RBM27: variants seen among roughly 807,000 people sequenced by gnomAD.
The protein encoded by RBM27 is RNA binding motif protein 27.
A neutral mutation model predicts 135.3 loss-of-function variants in RBM27; 22 were observed. That is an observed-to-expected ratio of 0.16 (90% CI 0.12 to 0.23). The LOEUF (loss-of-function observed/expected upper bound fraction) is 0.23, where lower values mean the gene tolerates loss of function less well. Ranked by LOEUF, RBM27 falls within the 10% of genes least tolerant of loss-of-function variation. The pLI, the probability that RBM27 is intolerant of heterozygous loss-of-function variation, is 1.00. For synonymous variants in RBM27, 481 were observed against 442.4 expected, an observed-to-expected ratio of 1.09 and a Z score of -1.10; for missense variants, 1,009 against 1,281.0, an observed-to-expected ratio of 0.79 and a Z score of 3.24.
chr5:146,259,979 C>CAAAAAAAAAA (rs34781548), intron 11 of RBM27, among the ~76,000 whole-genome samples: 3 of 35,292 alleles, frequency 8.5e-5, no homozygotes, highest in African/African-American at 5.3e-4. Context: ...GACTCCGTCT[C>CAAAAAAAAAA]AAAAAAAAAA....
rs773389368 is a variant in RBM27, at chr5:146,261,696, A to G, written c.2080A>G (p.Thr694Ala). 2 of 1,614,182 alleles carry G rather than the reference A, an allele frequency of 1.2e-6. No individual in the cohort carries two copies. The highest frequency in any genetic ancestry group is 2.2e-5 in the South Asian group (2 of 91,082). The change falls in exon 13 of 21, where the codon ACA becomes GCA. Residue 694 changes from threonine (T) to alanine (A), a missense_variant. By Grantham distance (58) the Thr-to-Ala change is moderately conservative. Coordinates refer to ENST00000265271, the MANE Select transcript of RBM27 (RefSeq NM_018989.2). ...ACAGCTGCTCCTGCAACAACAGCAA[A>G]CACTTAGTCACCTCTCACAGCAGCA... The part of the protein sequence containing the change: ...SAQLLLQQQQ[T>A]LSHLSQQHHH...
In RBM27 at chr5:146,230,879, G is replaced by A. The variant is rs377548326; in HGVS notation, c.812G>A (p.Arg271Gln). ...NNHSSSNSFGRNLPPKRRCRD... is the reference protein window; with the variant it reads ...NNHSSSNSFGQNLPPKRRCRD... ...CATAGCTCTTCCAATTCTTTTGGTC[G>A]AAACCTACCACCAAAGAGGCGATGC... is the stretch of plus-strand genomic sequence containing the variant. The change falls in exon 6 of 21, where the codon CGA becomes CAA. Residue 271 changes from arginine to glutamine, a missense_variant. By Grantham distance (43) the Arg-to-Gln change is conservative. Around this residue, in one of 6 missense-constraint regions of RBM27, gnomAD observed 268 missense variants for 326.6 expected, o/e 0.82. Transcript: ENST00000265271. 3.3e-5 allele frequency: 53 copies of A among 1,613,992 alleles called. No homozygotes were observed. The highest frequency in any genetic ancestry group is 5.0e-5 in the Admixed American group (3 of 59,982).
At chr5:146,214,368 G>A (rs1487414599) in intron 1 of RBM27, among the ~76,000 whole-genome samples, 1 of 152,114 alleles carries the variant, frequency 6.6e-6, no homozygotes, top group African/African-American at 2.4e-5. Context: ...AGCTTTAGTT[G>A]CAAATAAAGT....
intron 20 of RBM27, 127 bp from the exon 21 acceptor site, chr5:146,285,820 T>A: frequency 1.7e-6 from 1 of 605,228 alleles, no homozygotes; most frequent in Non-Finnish European, 2.9e-6. Flanking sequence ...TGAAAGATAC[T>A]CTTGCATGCA....
chr5:146,280,710 T>C (rs1759306031), intron 19 of RBM27, among the ~76,000 whole-genome samples: 1 of 152,320 alleles, frequency 6.6e-6, no homozygotes, highest in South Asian at 2.1e-4. Flanking sequence ...TTATGGTGTT[T>C]TGTGGTCATT....
In RBM27 at chr5:146,223,642, T is replaced by C. The variant is rs1389698262; in HGVS notation, c.303+115T>C. On this transcript the variant is annotated intron_variant, in intron 3 of 20. Transcript: ENST00000265271. Reference sequence around the variant, plus strand: ...TGTGTATTGATTCAAGTTTCCGGATTTTAGGCATGGTACAGATTCTTCATC... The same window carrying C: ...TGTGTATTGATTCAAGTTTCCGGATCTTAGGCATGGTACAGATTCTTCATC... 3 of 1,216,220 alleles carry C rather than the reference T, an allele frequency of 2.5e-6. No homozygotes were observed. The East Asian group carries it at 7.8e-5, about 32-fold the overall frequency. The allele number at this position is 1,216,220 out of a possible 1,614,324, so 75.3% of individuals were successfully genotyped here.
intron 1 of RBM27, among the ~76,000 whole-genome samples, chr5:146,211,812 C>A (rs962508232): frequency 1.3e-5 from 2 of 151,910 alleles, no homozygotes; most frequent in African/African-American, 2.4e-5. Context: ...CAGAGTCAGA[C>A]TTTTTTTAAA....
intron 8 of RBM27, among the ~76,000 whole-genome samples, chr5:146,241,223 ACT>A (rs1183526300): frequency 6.6e-5 from 10 of 152,020 alleles, no homozygotes; most frequent in African/African-American, 2.4e-4. Flanking sequence ...ATTGTGACTC[ACT>A]CTATAAATAT....
At chr5:146,249,948 G>T (rs1222481436) in intron 8 of RBM27, among the ~76,000 whole-genome samples, 1 of 152,056 alleles carries the variant, frequency 6.6e-6, no homozygotes, top group Middle Eastern at 3.2e-3. Flanking sequence ...TTTTAAAAGG[G>T]TTAATGCTAA....
At chr5:146,235,015 G>C (rs1757096734) in intron 7 of RBM27, among the ~76,000 whole-genome samples, 2 of 147,894 alleles carry the variant, frequency 1.4e-5, no homozygotes, top group South Asian at 4.3e-4. Flanking sequence ...CTGGGTGACA[G>C]AGCCAGACCC....
intron 6 of RBM27, among the ~76,000 whole-genome samples, chr5:146,231,395 G>A (rs1312654802): frequency 6.6e-6 from 1 of 150,960 alleles, no homozygotes; most frequent in Non-Finnish European, 1.5e-5. Context: ...GTGAGCCACC[G>A]CACCATGCCT....
intron 12 of RBM27, chr5:146,261,299 A>C: frequency 1.7e-6 from 1 of 598,200 alleles, no homozygotes; most frequent in East Asian, 2.8e-5. Context: ...CTCTTCTTTT[A>C]AGGCCACCGA....
intron 10 of RBM27, among the ~76,000 whole-genome samples, chr5:146,257,204 C>G (rs944530691): frequency 7.2e-5 from 11 of 152,196 alleles, no homozygotes; most frequent in Non-Finnish European, 1.6e-4. Context: ...ATATACCTAC[C>G]CCAGCATTCA....
In RBM27 at chr5:146,288,903, T is replaced by C. The variant is rs544803752; in HGVS notation, c.*2873T>C. On this transcript the variant is annotated 3_prime_UTR_variant, in exon 21 of 21. Transcript: ENST00000265271. Reference sequence around the variant, plus strand: ...ATCATTATTTCAAAAAAGAAAAAAATCATGTGAAAAGGAATAGTGGTTCCT... The same window carrying C: ...ATCATTATTTCAAAAAAGAAAAAAACCATGTGAAAAGGAATAGTGGTTCCT... 1 of 152,130 alleles carries C rather than the reference T, an allele frequency of 6.6e-6. No homozygotes were observed. The highest frequency in any genetic ancestry group is 1.9e-4 in the East Asian group (1 of 5,186). 9.4% of individuals were successfully genotyped at this position (152,130 alleles called of 1,614,324 possible).
chr5:146,238,903 G>A (rs1757283074), intron 8 of RBM27, among the ~76,000 whole-genome samples: 3 of 151,938 alleles, frequency 2.0e-5, no homozygotes, highest in Admixed American at 6.6e-5. Flanking sequence ...TTTAAAATGA[G>A]AATAATATTA....
At position 146,289,194 on chromosome 5, in the gene RBM27, C is replaced by A. The variant is rs1247901207; in HGVS notation, c.*3164C>A. 2 of 151,564 alleles carry A rather than the reference C, an allele frequency of 1.3e-5. No homozygotes were observed. The allele number at this position is 151,564 out of a possible 1,614,324, so 9.4% of individuals were successfully genotyped here. On this transcript the variant is annotated 3_prime_UTR_variant, in exon 21 of 21. Coordinates refer to ENST00000265271, the MANE Select transcript of RBM27 (RefSeq NM_018989.2). ...TAAAAGAATTTGGAAAATTTATGAA[C>A]CATTCCAAAAATTATAACAATCACC...
At chr5:146,232,282 T>G (rs1184966850) in intron 6 of RBM27, among the ~76,000 whole-genome samples, 1 of 152,186 alleles carries the variant, frequency 6.6e-6, no homozygotes, top group Non-Finnish European at 1.5e-5. Context: ...TAGAGTCAAA[T>G]TATAATTCAA....
intron 1 of RBM27, among the ~76,000 whole-genome samples, chr5:146,212,865 T>C (rs1422628367): frequency 2.0e-5 from 3 of 151,682 alleles, no homozygotes; most frequent in African/African-American, 7.3e-5. Context: ...AAGCACCCAC[T>C]ACCGTGCCCA....
intron 15 of RBM27, 139 bp from the exon 16 acceptor site, chr5:146,269,068 T>C: frequency 1.9e-6 from 1 of 530,488 alleles, no homozygotes; most frequent in East Asian, 3.0e-5. Context: ...TTAGGGAAAA[T>C]ATATTCAAAG....
Sources: gnomAD v4.1 joint callset for allele counts (sites outside exome capture counted in the v4.1 genomes callset) on GRCh38, gnomAD v4.1.1 for gene constraint, gnomAD v4.1.1 regional missense constraint, MANE v1.5 for transcripts, NCBI Gene and HGNC (gene_info 2026-07-23, HGNC 2026-07-21) for gene names.